The following WDTC1 variants were observed in gnomAD, a reference collection of about 807,000 sequenced individuals.
WDTC1 encodes WD and tetratricopeptide repeats protein 1.
A neutral mutation model predicts 76.0 loss-of-function variants in WDTC1; 12 were observed. The ratio of observed to expected loss-of-function variants is 0.16; its 90% CI spans 0.10 to 0.26. The LOEUF (loss-of-function observed/expected upper bound fraction) is 0.26. Ranked by LOEUF, WDTC1 falls within the 10% of genes least tolerant of loss-of-function variation. WDTC1 has a pLI of 1.00. For missense variants in WDTC1, 511 were observed against 908.8 expected (o/e 0.56, Z 5.63); for synonymous variants, 326 against 350.8 (o/e 0.93, Z 0.79).
intron 6 of WDTC1, among the ~76,000 whole-genome samples, chr1:27,289,063 G>A (rs1263296397): frequency 3.4e-5 from 5 of 147,156 alleles, no homozygotes; most frequent in South Asian, 4.3e-4. Flanking sequence ...CGGACGGGGC[G>A]GCTGGCCGGG....
chr1:27,235,708 G>A (rs2011480094), intron 1 of WDTC1, among the ~76,000 whole-genome samples: 1 of 151,950 alleles, frequency 6.6e-6, no homozygotes, highest in East Asian at 1.9e-4. Flanking sequence ...CTCCTCTGCG[G>A]GTGTACTCCC....
At chr1:27,273,664 G>T (rs2012939504) in intron 3 of WDTC1, among the ~76,000 whole-genome samples, 1 of 152,158 alleles carries the variant, frequency 6.6e-6, no homozygotes, top group African/African-American at 2.4e-5. Flanking sequence ...TTGTATCAGT[G>T]TTAAATTTTC....
At chr1:27,299,044 GT>G (rs1364992746) in intron 12 of WDTC1, among the ~76,000 whole-genome samples, 1 of 152,164 alleles carries the variant, frequency 6.6e-6, no homozygotes, top group Non-Finnish European at 1.5e-5. Context: ...GGAGATGACT[GT>G]TTTGGATGAA....
intron 1 of WDTC1, among the ~76,000 whole-genome samples, chr1:27,245,984 A>G (rs1371833028): frequency 6.6e-6 from 1 of 152,158 alleles, no homozygotes; most frequent in Non-Finnish European, 1.5e-5. Context: ...GCATAGTGTC[A>G]TCGGAAGGGG....
intron 12 of WDTC1, among the ~76,000 whole-genome samples, chr1:27,300,055 T>C (rs1256867988): frequency 6.6e-6 from 1 of 152,220 alleles, no homozygotes; most frequent in Non-Finnish European, 1.5e-5. Context: ...CCACTCATCC[T>C]GACGCAGGCC....
chr1:27,261,253 C>G, intron 2 of WDTC1, 151 bp downstream of exon 2: 1 of 784,120 alleles, frequency 1.3e-6, no homozygotes, highest in Admixed American at 2.6e-5. Context: ...ATCAAGGTCT[C>G]TTTCTCTCCA....
At chr1:27,272,147 G>A (rs570487768) in intron 3 of WDTC1, among the ~76,000 whole-genome samples, 46 of 152,022 alleles carry the variant, frequency 3.0e-4, no homozygotes, top group Admixed American at 1.4e-3. Context: ...TCGGGAGGCT[G>A]AGGCAGGAGA....
intron 1 of WDTC1, among the ~76,000 whole-genome samples, chr1:27,237,299 A>C (rs1251103575): frequency 6.6e-6 from 1 of 152,164 alleles, no homozygotes; most frequent in Middle Eastern, 3.2e-3. Flanking sequence ...AAAATTAAGG[A>C]ATGTTGCTGA....
rs1222278816 is a variant in WDTC1 at position 27,258,887 on chromosome 1, C to G, written c.-99-2069C>G. 3.3e-5 allele frequency among the ~76,000 whole-genome samples: 5 copies of G among 152,072 alleles called. No homozygotes were observed. The East Asian group carries it at 9.6e-4, about 29-fold the overall frequency. On this transcript the variant is annotated intron_variant, in intron 1 of 15. Coordinates refer to ENST00000319394, the MANE Select transcript of WDTC1 (RefSeq NM_001276252.2). Reference sequence around the variant, plus strand: ...AGGTCCTAATGACTGGCAGGGTTGGCAGAGAGAACTGGTAAACCCTGAGAG... The same window carrying G: ...AGGTCCTAATGACTGGCAGGGTTGGGAGAGAGAACTGGTAAACCCTGAGAG...
intron 8 of WDTC1, 40 bp downstream of exon 8, chr1:27,294,156 G>C: frequency 1.3e-6 from 2 of 1,598,388 alleles, no homozygotes; most frequent in Non-Finnish European, 1.7e-6. Flanking sequence ...CTCTCGGCTA[G>C]ATGCTGACTC....
At chr1:27,304,966 C>A in intron 14 of WDTC1, 35 bp from the exon 15 acceptor site, 1 of 1,590,448 alleles carries the variant, frequency 6.3e-7, no homozygotes, top group Non-Finnish European at 8.6e-7. Flanking sequence ...GGGCAGTACC[C>A]CACCTGACCT....
intron 2 of WDTC1, among the ~76,000 whole-genome samples, chr1:27,262,683 C>T (rs2012519612): frequency 2.0e-5 from 3 of 152,166 alleles, no homozygotes; most frequent in Non-Finnish European, 4.4e-5. Flanking sequence ...GCCACCATGC[C>T]CAGCCCCTGA....
intron 6 of WDTC1, among the ~76,000 whole-genome samples, chr1:27,291,395 T>G (rs546401321): frequency 1.7e-4 from 26 of 152,188 alleles, no homozygotes; most frequent in Non-Finnish European, 3.2e-4. Context: ...GAGAGTGATG[T>G]AAAATAATAT....
intron 6 of WDTC1, among the ~76,000 whole-genome samples, chr1:27,289,091 C>A (rs1474329170): frequency 2.1e-5 from 3 of 144,512 alleles, no homozygotes; most frequent in African/African-American, 5.1e-5. Context: ...CTGACCCCCC[C>A]ACCTCCCTCC....
At chr1:27,287,592 G>C (rs910634458) in intron 5 of WDTC1, 82 bp from the exon 6 acceptor site, 12 of 1,437,418 alleles carry the variant, frequency 8.3e-6, no homozygotes. Context: ...AGAGAGAAAA[G>C]GGTGCAGACA....
At chr1:27,244,242 C>T (rs1242513918) in intron 1 of WDTC1, among the ~76,000 whole-genome samples, 2 of 152,062 alleles carry the variant, frequency 1.3e-5, no homozygotes, top group Non-Finnish European at 2.9e-5. Context: ...TCAAGTCAGA[C>T]AGAAAATAGG....
intron 1 of WDTC1, among the ~76,000 whole-genome samples, 158 bp downstream of exon 1, chr1:27,235,109 G>A (rs1181682223): frequency 6.6e-6 from 1 of 152,012 alleles, no homozygotes; most frequent in Non-Finnish European, 1.5e-5. Flanking sequence ...TCCCGAGAGG[G>A]GCCAGGCCTC....
At chr1:27,259,477 G>A (rs145260627) in intron 1 of WDTC1, among the ~76,000 whole-genome samples, 2 of 151,796 alleles carry the variant, frequency 1.3e-5, no homozygotes, top group African/African-American at 4.8e-5. Context: ...CATATTTTGA[G>A]TTTTGTTATG....
In WDTC1 at chr1:27,283,520, G is replaced by A. The variant is rs1340780118; in HGVS notation, c.291+71G>A. On this transcript the variant is annotated intron_variant, in intron 5 of 15. Coordinates refer to ENST00000319394, the MANE Select transcript of WDTC1 (RefSeq NM_001276252.2). Reference sequence around the variant, plus strand: ...ACAAGAGTGACTGGGCTGTGGCCACGCCATGTTGGTATGTGTGTGTCCCAT... The same window carrying A: ...ACAAGAGTGACTGGGCTGTGGCCACACCATGTTGGTATGTGTGTGTCCCAT... The A allele has an allele frequency of 7.0e-6, 10 of 1,429,010 alleles. No individual in the cohort carries two copies. The East Asian group carries it at 1.1e-4, about 16-fold the overall frequency. The allele number at this position is 1,429,010 out of a possible 1,614,324, so 88.5% of individuals were successfully genotyped here.
Sources: allele counts gnomAD v4.1 joint callset (sites outside exome capture counted in the v4.1 genomes callset), GRCh38; gene constraint gnomAD v4.1.1; transcripts MANE v1.5; gene names NCBI Gene and HGNC (gene_info 2026-07-23, HGNC 2026-07-21).